Variants in POU6F2 observed in about 807,000 individuals in gnomAD.
POU6F2 encodes the protein POU domain, class 6, transcription factor 2.
POU6F2 carries 31 observed loss-of-function variants against 71.3 expected under a neutral mutation model. The observed-to-expected ratio is 0.43, with a 90% confidence interval of 0.33 to 0.59. The LOEUF (loss-of-function observed/expected upper bound fraction) is 0.59. Among genes scored for constraint, POU6F2 ranks in the 20% least tolerant of loss-of-function variants. POU6F2 has a pLI of 0.04. For synonymous variants in POU6F2, 347 were observed against 355.7 expected (o/e 0.98, Z 0.27); for missense variants, 783 against 856.8 (o/e 0.91, Z 1.07).
At chr7:39,195,315 A>G (rs1232981036) in intron 2 of POU6F2, among the ~76,000 whole-genome samples, 1 of 152,184 alleles carries the variant, frequency 6.6e-6, no homozygotes, top group Non-Finnish European at 1.5e-5. Context: ...GTCTTGTACC[A>G]TGCATATTAG....
intron 6 of POU6F2, among the ~76,000 whole-genome samples, chr7:39,416,093 T>TACACACACACACACAC (rs57579748): frequency 3.4e-4 from 48 of 139,294 alleles, no homozygotes; most frequent in Non-Finnish European, 5.9e-4. Flanking sequence ...CTCGAAGGCA[T>TACACACACACACACAC]ACACACACAC....
At chr7:39,373,596 C>T (rs931737126) in intron 5 of POU6F2, 2 of 454,738 alleles carry the variant, frequency 4.4e-6, no homozygotes, top group Non-Finnish European at 8.9e-6. Context: ...CCTACCTAGT[C>T]TAGCTAACTG....
At chr7:39,081,656 A>G (rs889638271) in intron 1 of POU6F2, among the ~76,000 whole-genome samples, 4 of 152,122 alleles carry the variant, frequency 2.6e-5, no homozygotes, top group African/African-American at 9.7e-5. Flanking sequence ...ACTATACCAT[A>G]TTGCCCCATA....
At chr7:39,060,651 G>T (rs1337137382) in intron 1 of POU6F2, among the ~76,000 whole-genome samples, 1 of 152,186 alleles carries the variant, frequency 6.6e-6, no homozygotes, top group African/African-American at 2.4e-5. Context: ...CAACAATGCT[G>T]TGTAGCTAGA....
At chr7:39,044,772 C>T (rs571702037) in intron 1 of POU6F2, among the ~76,000 whole-genome samples, 1 of 151,930 alleles carries the variant, frequency 6.6e-6, no homozygotes, top group Admixed American at 6.6e-5. Flanking sequence ...AAAACATGTT[C>T]AAGTTAGCAT....
At chr7:39,295,754 T>C (rs763911378) in intron 4 of POU6F2, among the ~76,000 whole-genome samples, 105 of 152,240 alleles carry the variant, frequency 6.9e-4, no homozygotes, top group Non-Finnish European at 1.2e-3. Flanking sequence ...TCATAGACAA[T>C]TGTCTAAAAT....
chr7:39,355,077 G>C (rs1366556740), intron 5 of POU6F2, among the ~76,000 whole-genome samples: 1 of 152,172 alleles, frequency 6.6e-6, no homozygotes, highest in Non-Finnish European at 1.5e-5. Flanking sequence ...AGGATCCCTT[G>C]AACCAAGGAA....
intron 5 of POU6F2, among the ~76,000 whole-genome samples, chr7:39,394,893 G>A (rs543166111): frequency 3.9e-5 from 6 of 152,110 alleles, no homozygotes; most frequent in African/African-American, 1.2e-4. Flanking sequence ...CTGTCTCTCC[G>A]ATACTCTAGA....
intron 5 of POU6F2, among the ~76,000 whole-genome samples, chr7:39,367,920 A>G (rs1786536124): frequency 6.6e-6 from 1 of 152,162 alleles, no homozygotes; most frequent in Non-Finnish European, 1.5e-5. Flanking sequence ...TATCATACCC[A>G]TAAAAGGTGG....
At chr7:39,294,426 G>A (rs1784813556) in intron 4 of POU6F2, among the ~76,000 whole-genome samples, 1 of 150,638 alleles carries the variant, frequency 6.6e-6, no homozygotes, top group Non-Finnish European at 1.5e-5. Flanking sequence ...CCACTGGGGA[G>A]AAGGAAAAAT....
intron 4 of POU6F2, among the ~76,000 whole-genome samples, chr7:39,238,444 C>T (rs1794714233): frequency 6.6e-6 from 1 of 152,130 alleles, no homozygotes; most frequent in Admixed American, 6.6e-5. Flanking sequence ...CTAGATAAAG[C>T]TTTACTGGAA....
chr7:39,446,993 T>G (rs979778477), intron 7 of POU6F2, among the ~76,000 whole-genome samples: 1 of 152,164 alleles, frequency 6.6e-6, no homozygotes, highest in African/African-American at 2.4e-5. Context: ...GATACAATAC[T>G]GAGAAGAGTA....
intron 2 of POU6F2, among the ~76,000 whole-genome samples, chr7:39,147,986 G>A (rs571706671): frequency 5.9e-5 from 9 of 152,242 alleles, no homozygotes; most frequent in African/African-American, 1.4e-4. Context: ...TCCAAAGGAG[G>A]CATCACTTCT....
intron 6 of POU6F2, among the ~76,000 whole-genome samples, chr7:39,428,362 T>G (rs1004593432): frequency 7.9e-5 from 12 of 152,226 alleles, no homozygotes; most frequent in African/African-American, 2.9e-4. Context: ...CAGAACTGTT[T>G]TAGGTCACAA....
chr7:39,148,637 G>C (rs1441218947), intron 2 of POU6F2, among the ~76,000 whole-genome samples: 2 of 152,144 alleles, frequency 1.3e-5, no homozygotes, highest in East Asian at 3.8e-4. Flanking sequence ...CTTCATGAAT[G>C]CTGTCCATGG....
chr7:39,439,523 C>T (rs1281426229), intron 7 of POU6F2, among the ~76,000 whole-genome samples: 1 of 152,088 alleles, frequency 6.6e-6, no homozygotes, highest in Non-Finnish European at 1.5e-5. Context: ...GATTTTCGCT[C>T]TTGTCACCCA....
At position 39,193,474 on chromosome 7, in the gene POU6F2, AT is replaced by A. The variant is rs551645961; in HGVS notation, c.278-10757del. ...TGGTCTGTCTTTTTGAAATATTTGCATTTTATGTATAATGTAGTGTAGTCTT... is the reference window on the plus strand; with the variant it reads ...TGGTCTGTCTTTTTGAAATATTTGCATTTATGTATAATGTAGTGTAGTCTT... On this transcript the variant is annotated intron_variant, in intron 2 of 9. Transcript: ENST00000518318. Among the ~76,000 whole-genome samples the A allele has an allele frequency of 1.9e-4, 29 of 152,314 alleles. No individual in the cohort carries two copies. The East Asian group carries it at 5.2e-3, about 27-fold the overall frequency.
At chr7:39,446,045 G>A (rs1788516054) in intron 7 of POU6F2, among the ~76,000 whole-genome samples, 2 of 152,198 alleles carry the variant, frequency 1.3e-5, no homozygotes, top group Admixed American at 1.3e-4. Flanking sequence ...CCCTCCAGGT[G>A]ATTCTGATGC....
chr7:39,333,231 A>G (rs966481381), intron 4 of POU6F2, among the ~76,000 whole-genome samples: 5 of 152,216 alleles, frequency 3.3e-5, no homozygotes, highest in Non-Finnish European at 5.9e-5. Context: ...CTAAAAGCTA[A>G]TATTAGGTCT....
Sources: gnomAD v4.1 joint callset for allele counts (sites outside exome capture counted in the v4.1 genomes callset) on GRCh38, gnomAD v4.1.1 for gene constraint, MANE v1.5 for transcripts, NCBI Gene and HGNC (gene_info 2026-07-23, HGNC 2026-07-21) for gene names.